Variants in COG7 observed in about 807,000 individuals in gnomAD.
COG7 encodes component of oligomeric golgi complex 7.
In COG7, 49 loss-of-function variants were observed where a neutral mutation model predicts 91.5. The observed-to-expected ratio is 0.54, with a 90% CI of 0.43 to 0.68. The LOEUF (loss-of-function observed/expected upper bound fraction) is 0.68, where lower values mean the gene tolerates loss of function less well. Ranked by LOEUF, COG7 falls within the 30% of genes least tolerant of loss-of-function variation. COG7 has a pLI of 0.00. For missense variants in COG7, 895 were observed against 961.3 expected (o/e 0.93, Z 0.91); for synonymous variants, 365 against 388.7 (o/e 0.94, Z 0.72).
intron 13 of COG7, among the ~76,000 whole-genome samples, chr16:23,398,484 G>A (rs977961014): frequency 3.9e-5 from 6 of 152,106 alleles, no homozygotes; most frequent in Admixed American, 6.6e-5. Context: ...TCTGCGTAGC[G>A]GGGCCACTGT....
chr16:23,423,749 A>G (rs886136120), intron 7 of COG7, among the ~76,000 whole-genome samples: 2 of 152,262 alleles, frequency 1.3e-5, no homozygotes, highest in Non-Finnish European at 2.9e-5. Flanking sequence ...GAACAGCAGA[A>G]CAAGGCCTTC....
At chr16:23,410,405 C>T in intron 10 of COG7, 45 bp from the exon 11 acceptor site, 2 of 1,458,340 alleles carry the variant, frequency 1.4e-6, no homozygotes, top group South Asian at 2.3e-5. Context: ...TCTGGAATGC[C>T]AGCCTTTACA....
At chr16:23,421,695 C>T (rs954488651) in intron 7 of COG7, among the ~76,000 whole-genome samples, 4 of 151,452 alleles carry the variant, frequency 2.6e-5, no homozygotes, top group Admixed American at 2.6e-4. Flanking sequence ...CAGGCACCTT[C>T]GTTCACTACT....
intron 4 of COG7, among the ~76,000 whole-genome samples, chr16:23,440,583 G>A (rs1322083563): frequency 1.3e-5 from 2 of 151,000 alleles, no homozygotes; most frequent in African/African-American, 4.9e-5. Context: ...CCAACCTCCT[G>A]AGCAGCTGAG....
rs1963231935 is a variant in COG7 at position 23,393,360 on chromosome 16, A to C, written c.1888-13T>G. 1 of 1,593,260 alleles carries C rather than the reference A, an allele frequency of 6.3e-7. No individual in the cohort carries two copies. Among genetic ancestry groups the C allele is most frequent in the Non-Finnish European group, 8.6e-7 (1 of 1,161,182 alleles). ...TGTACTGCCCGATCTGAAACAAAAG[A>C]AAGCGCTGTTAGCCTGACATTGACA... On this transcript the variant is annotated splice_polypyrimidine_tract_variant and intron_variant, in intron 14 of 16. Coordinates refer to ENST00000307149, the MANE Select transcript of COG7 (RefSeq NM_153603.4).
intron 8 of COG7, 175 bp from the exon 9 acceptor site, chr16:23,417,296 G>A (rs1051609156): frequency 1.5e-6 from 1 of 670,294 alleles, no homozygotes; most frequent in Middle Eastern, 3.9e-4. Context: ...AACAGTCTAA[G>A]TCATCAGTGG....
At chr16:23,416,784 C>T (rs1270354763) in intron 9 of COG7, 183 bp downstream of exon 9, 5 of 691,600 alleles carry the variant, frequency 7.2e-6, no homozygotes, top group South Asian at 3.5e-5. Flanking sequence ...TAGACATTTA[C>T]GTTGTTTCAA....
At chr16:23,423,742 C>T (rs978317528) in intron 7 of COG7, among the ~76,000 whole-genome samples, 1 of 152,222 alleles carries the variant, frequency 6.6e-6, no homozygotes, top group African/African-American at 2.4e-5. Flanking sequence ...AGCCGCCGAA[C>T]AGCAGAACAA....
chr16:23,422,328 A>C (rs1359737901), intron 7 of COG7, among the ~76,000 whole-genome samples: 3 of 151,936 alleles, frequency 2.0e-5, no homozygotes, highest in Non-Finnish European at 4.4e-5. Context: ...AACAAAAAAA[A>C]AATAAAGACA....
rs765976652 is a variant in COG7, at chr16:23,418,784, C to T, written c.1053G>A (p.Val351=). 8 of 1,613,228 alleles carry T rather than the reference C, an allele frequency of 5.0e-6. No individual in the cohort carries two copies. The highest frequency in any genetic ancestry group is 5.9e-6 in the Non-Finnish European group (7 of 1,179,320). ...GCTGGTAGGGTTTGTATGGATCATA[C>T]ACAGCATCCACCAGCTCCGTGACTT... ...LVKVTELVDA[V]YDPYKPYQLK... The change falls in exon 8 of 17, where the codon GTG becomes GTA. Residue 351 remains valine (V), a synonymous_variant. Coordinates refer to ENST00000307149, the MANE Select transcript of COG7 (RefSeq NM_153603.4).
Position 23,403,788 on chromosome 16 carries a change from G to A in COG7, c.1709C>T (p.Ala570Val), listed in dbSNP as rs747918109. 24 of 1,614,232 alleles carry A rather than the reference G, an allele frequency of 1.5e-5. No individual in the cohort carries two copies. The South Asian group carries it at 1.5e-4, about 10-fold the overall frequency. The change falls in exon 13 of 17, where the codon GCG (alanine) becomes GTG (valine). Residue 570 changes from alanine (A) to valine (V), a missense_variant. Coordinates refer to ENST00000307149, the MANE Select transcript of COG7 (RefSeq NM_153603.4). ...GGCCTGCTGGTTAAGCCGAGTCAGC[G>A]CTGCTCGAGGTGCAGCCAGCAGGTT... is the stretch of plus-strand genomic sequence containing the variant. ...NHNLLAAPRAALTRLNQQAHQ... is the reference protein window; with the variant it reads ...NHNLLAAPRAVLTRLNQQAHQ...
intron 6 of COG7, among the ~76,000 whole-genome samples, chr16:23,425,363 A>G (rs1741943272): frequency 6.6e-6 from 1 of 152,058 alleles, no homozygotes; most frequent in Admixed American, 6.5e-5. Flanking sequence ...ACAGGGTCTC[A>G]CTCTGCCACC....
chr16:23,409,088 T>TGTGTGTGTGCGCGCGCGC (rs567307217), intron 11 of COG7, among the ~76,000 whole-genome samples: 7 of 147,806 alleles, frequency 4.7e-5, no homozygotes, highest in Admixed American at 6.7e-5. Context: ...TGTGTGTGTG[T>TGTGTGTGTGCGCGCGCGC]GCGTGCATGT....
At chr16:23,437,088 A>C (rs1264410343) in intron 4 of COG7, among the ~76,000 whole-genome samples, 1 of 152,152 alleles carries the variant, frequency 6.6e-6, no homozygotes, top group Non-Finnish European at 1.5e-5. Context: ...ACTGCGGCCC[A>C]GCAGAGGAGG....
rs57747474 is a variant in COG7, at chr16:23,442,333, C to CA, written c.604+143dup. 55,499 of 539,894 alleles carry CA rather than the reference C, an allele frequency of 0.1. 20 individuals carry two copies. The highest frequency in any genetic ancestry group is 0.12 in the Middle Eastern group (230 of 1,860). The allele number at this position is 539,894 out of a possible 1,614,324, so 33.4% of individuals were successfully genotyped here. ...TCGGTGACAGAGAAAGACTCCGTCT[C>CA]AAAAAAAAAAAAAAAAAAAATTACA... On this transcript the variant is annotated intron_variant, in intron 4 of 16. Transcript: ENST00000307149.
chr16:23,406,020 T>G lies in COG7; in HGVS notation c.1662+56A>C. 2.0e-6 allele frequency: 3 copies of G among 1,517,574 alleles called. No homozygotes were observed. In the South Asian group the frequency reaches 3.4e-5, roughly 17 times the overall value. 94.0% of individuals were successfully genotyped at this position (1,517,574 alleles called of 1,614,324 possible). On this transcript the variant is annotated intron_variant, in intron 12 of 16. Coordinates refer to ENST00000307149, the MANE Select transcript of COG7 (RefSeq NM_153603.4). ...GCCTGTAACCCAGAGAGGGAGAGGG[T>G]GAGTGATGAGAAGAAGCCTTTCATT...
At chr16:23,430,742 T>C (rs1963921785) in intron 6 of COG7, among the ~76,000 whole-genome samples, 1 of 151,976 alleles carries the variant, frequency 6.6e-6, no homozygotes, top group Non-Finnish European at 1.5e-5. Flanking sequence ...GGTTTCACCA[T>C]GTTAGCCAGG....
intron 6 of COG7, among the ~76,000 whole-genome samples, chr16:23,432,806 A>G (rs903852965): frequency 6.6e-5 from 10 of 152,160 alleles, no homozygotes; most frequent in African/African-American, 2.4e-4. Context: ...TATCATGAGA[A>G]CAAGGGAGAC....
intron 13 of COG7, among the ~76,000 whole-genome samples, chr16:23,401,003 A>G (rs1388233649): frequency 6.6e-6 from 1 of 151,828 alleles, no homozygotes; most frequent in African/African-American, 2.4e-5. Context: ...ACAGCAGAGA[A>G]TGTCACTTGA....
Sources: gnomAD v4.1 joint callset for allele counts (sites outside exome capture counted in the v4.1 genomes callset) on GRCh38, gnomAD v4.1.1 for gene constraint, MANE v1.5 for transcripts, NCBI Gene and HGNC (gene_info 2026-07-23, HGNC 2026-07-21) for gene names.